Variants in ATP2B2 observed in about 807,000 individuals in gnomAD.
ATP2B2 encodes ATPase plasma membrane Ca2+ transporting 2, also known as plasma membrane calcium-transporting ATPase 2.
In ATP2B2, 15 loss-of-function variants were observed where a neutral mutation model predicts 120.0. That is an observed-to-expected ratio of 0.12 (90% confidence interval 0.08 to 0.19). ATP2B2 has a LOEUF of 0.19. Ranked by LOEUF, ATP2B2 falls within the 10% of genes least tolerant of loss-of-function variation. The probability of loss-of-function intolerance (pLI) is 1.00; values close to 1 mark genes in which losing one functional copy is unlikely to be tolerated. For missense variants in ATP2B2, 1,045 were observed against 1,719.8 expected (o/e 0.61, Z 6.94); for synonymous variants, 694 against 700.3 (o/e 0.99, Z 0.14).
At chr3:10,421,773 C>T (rs1273509949) in intron 2 of ATP2B2, among the ~76,000 whole-genome samples, 1 of 152,320 alleles carries the variant, frequency 6.6e-6, no homozygotes, top group African/African-American at 2.4e-5. Flanking sequence ...TACCAAGCCA[C>T]GGGTCTGCAT....
At chr3:10,406,821 A>G (rs1489228643) in intron 3 of ATP2B2, among the ~76,000 whole-genome samples, 4 of 152,198 alleles carry the variant, frequency 2.6e-5, no homozygotes, top group Admixed American at 1.3e-4. Context: ...TGTCTTACAG[A>G]GGGAGAAGGT....
intron 5 of ATP2B2, among the ~76,000 whole-genome samples, chr3:10,391,800 G>A (rs896358700): frequency 3.3e-5 from 5 of 152,194 alleles, no homozygotes; most frequent in African/African-American, 1.2e-4. Context: ...GGTTTGGAGG[G>A]CTCCCTGAGG....
chr3:10,658,932 C>T (rs2070709526), intron 1 of ATP2B2, among the ~76,000 whole-genome samples: 3 of 151,948 alleles, frequency 2.0e-5, no homozygotes, highest in Non-Finnish European at 4.4e-5. Flanking sequence ...AGAGTGGGGG[C>T]CAATATTCAA....
At chr3:10,582,126 T>C (rs1339885439) in intron 2 of ATP2B2, among the ~76,000 whole-genome samples, 1 of 152,228 alleles carries the variant, frequency 6.6e-6, no homozygotes, top group African/African-American at 2.4e-5. Context: ...TAAAAATACC[T>C]TCCCTGTTCC....
intron 22 of ATP2B2, among the ~76,000 whole-genome samples, chr3:10,333,075 T>C (rs2060024309): frequency 6.6e-6 from 1 of 152,178 alleles, no homozygotes. Flanking sequence ...CATCTTGCGG[T>C]GGTGCCGTGG....
chr3:10,441,793 G>A (rs1029721250), intron 2 of ATP2B2, among the ~76,000 whole-genome samples: 1 of 152,216 alleles, frequency 6.6e-6, no homozygotes, highest in African/African-American at 2.4e-5. Context: ...TGGCATATTA[G>A]AAGCAGGGGG....
intron 1 of ATP2B2, among the ~76,000 whole-genome samples, chr3:10,678,975 G>A (rs886529458): frequency 6.6e-6 from 1 of 152,136 alleles, no homozygotes; most frequent in Admixed American, 6.5e-5. Flanking sequence ...TGTTGTAGGT[G>A]GGCCTGACTT....
chr3:10,567,724 C>T lies in ATP2B2; in HGVS notation c.-414-33591G>A, dbSNP rs185879522. Among the ~76,000 whole-genome samples, 16 of 152,236 alleles carry T rather than the reference C, an allele frequency of 1.1e-4. 1 individual carries two copies. Among genetic ancestry groups the T allele is most frequent in the Admixed American group, 1.0e-3 (16 of 15,302 alleles). ...TTTCTATTGATAATTAATCATGGAA[C>T]ATGGGGAATGTGTGCTTGGCTTGAG... On this transcript the variant is annotated intron_variant, in intron 2 of 21. Transcript: ENST00000646379.
intron 3 of ATP2B2, among the ~76,000 whole-genome samples, chr3:10,527,818 G>A (rs1313441138): frequency 1.3e-5 from 2 of 152,202 alleles, no homozygotes; most frequent in African/African-American, 4.8e-5. Flanking sequence ...TACCCTCTCT[G>A]ACTGCTCGGC....
intron 2 of ATP2B2, among the ~76,000 whole-genome samples, chr3:10,446,606 T>C (rs75737722): frequency 0.017 from 2,578 of 152,152 alleles, 89 homozygotes; most frequent in African/African-American, 0.059. Flanking sequence ...CAAGTTTGGG[T>C]CTGTGGCATT....
intron 1 of ATP2B2, among the ~76,000 whole-genome samples, chr3:10,701,181 C>T (rs368165594): frequency 4.6e-5 from 7 of 152,156 alleles, no homozygotes; most frequent in East Asian, 3.9e-4. Context: ...CTTTCCTGGC[C>T]TCATGCTCTT....
intron 3 of ATP2B2, among the ~76,000 whole-genome samples, chr3:10,523,274 G>T (rs2067021778): frequency 6.6e-6 from 1 of 152,218 alleles, no homozygotes; most frequent in Admixed American, 6.5e-5. Context: ...GAACCAGACA[G>T]CAGTTTTCAA....
chr3:10,624,939 GCA>G (rs1369410199), intron 1 of ATP2B2, among the ~76,000 whole-genome samples: 12 of 152,342 alleles, frequency 7.9e-5, no homozygotes, highest in African/African-American at 2.4e-4. Context: ...CCCCACCATG[GCA>G]CCAGGCTGGA....
At chr3:10,385,116 G>A in intron 8 of ATP2B2, 152 bp downstream of exon 8, 1 of 787,566 alleles carries the variant, frequency 1.3e-6, no homozygotes, top group Non-Finnish European at 2.2e-6. Context: ...CCTGTCTTAA[G>A]CGCCTGCCCC....
Position 10,488,112 on chromosome 3 carries a change from TCCATCCAC to T in ATP2B2, c.-320+17345_-320+17352del, listed in dbSNP as rs1297511084. 1.8e-4 allele frequency among the ~76,000 whole-genome samples: 28 copies of T among 151,398 alleles called. No homozygotes were observed. The East Asian group carries it at 5.3e-3, about 28-fold the overall frequency. The stretch of plus-strand genomic sequence containing the variant: ...ATCCATCCATCCAGCCATCCATCCA[TCCATCCAC>T]CCATCCATCCATCCATCCTCCCACC... On this transcript the variant is annotated intron_variant, in intron 1 of 22. Transcript: ENST00000360273.
chr3:10,451,209 C>A lies in ATP2B2; in HGVS notation c.-319-1347G>T, dbSNP rs550788080. 4.6e-5 allele frequency among the ~76,000 whole-genome samples: 7 copies of A among 152,344 alleles called. No individual in the cohort carries two copies. The South Asian group carries it at 1.4e-3, about 32-fold the overall frequency. Reference sequence around the variant, plus strand: ...TGCAGAAGGAGATGGTCTCCTGGCTCATAGCCCTGGGCTCCTCCCCTTCCC... The same window carrying A: ...TGCAGAAGGAGATGGTCTCCTGGCTAATAGCCCTGGGCTCCTCCCCTTCCC... On this transcript the variant is annotated intron_variant, in intron 1 of 22. Coordinates refer to ENST00000360273, the MANE Select transcript of ATP2B2 (RefSeq NM_001001331.4).
chr3:10,471,988 G>A (rs1047846813), intron 1 of ATP2B2, among the ~76,000 whole-genome samples: 3 of 150,934 alleles, frequency 2.0e-5, no homozygotes, highest in Non-Finnish European at 4.4e-5. Flanking sequence ...GGCTGAGGCA[G>A]GAGAATGGCG....
chr3:10,377,698 C>T (rs962551359), intron 10 of ATP2B2, among the ~76,000 whole-genome samples: 1 of 152,230 alleles, frequency 6.6e-6, no homozygotes, highest in Non-Finnish European at 1.5e-5. Flanking sequence ...TCAGTTTTTC[C>T]TCTGCACTGT....
upstream of ATP2B2, chr3:10,708,052 CCCCGCCGCCG>C (rs936612739): frequency 7.2e-6 from 1 of 139,200 alleles, no homozygotes; most frequent in African/African-American, 2.6e-5. Context: ...TGCCCCGCGG[CCCCGCCGCCG>C]CCCGCCCGCC....
Sources: gnomAD v4.1 joint callset for allele counts (sites outside exome capture counted in the v4.1 genomes callset) on GRCh38, gnomAD v4.1.1 for gene constraint, MANE v1.5 for transcripts, NCBI Gene and HGNC (gene_info 2026-07-23, HGNC 2026-07-21) for gene names.